The following ENPEP variants were observed in gnomAD, a reference collection of about 807,000 sequenced individuals.
The protein encoded by ENPEP is AP-A.
A neutral mutation model predicts 114.5 loss-of-function variants in ENPEP; 103 were observed. The ratio of observed to expected loss-of-function variants is 0.90; its 90% CI spans 0.77 to 1.06. The LOEUF (loss-of-function observed/expected upper bound fraction) is 1.06, where lower values mean the gene tolerates loss of function less well. ENPEP is among the 50% of genes least tolerant of loss of function. ENPEP has a pLI of 0.00. For synonymous variants in ENPEP, 420 were observed against 422.0 expected, an observed-to-expected ratio of 1.00 and a Z score of 0.06; for missense variants, 1,196 against 1,161.3, an observed-to-expected ratio of 1.03 and a Z score of -0.43.
chr4:110,513,575 A>T, intron 7 of ENPEP, 26 bp downstream of exon 7: 1 of 1,610,182 alleles, frequency 6.2e-7, no homozygotes, highest in South Asian at 1.1e-5. Flanking sequence ...CATTGTTTTG[A>T]ACATCTTCCT....
At chr4:110,515,655 A>C in intron 8 of ENPEP, 1 of 612,054 alleles carries the variant, frequency 1.6e-6, no homozygotes, top group Non-Finnish European at 3.0e-6. Context: ...CTCATGGAGA[A>C]GTTGAAACAG....
At chr4:110,524,617 A>G (rs1162696321) in intron 10 of ENPEP, among the ~76,000 whole-genome samples, 2 of 152,220 alleles carry the variant, frequency 1.3e-5, no homozygotes, top group Non-Finnish European at 2.9e-5. Context: ...AATTTCTTGC[A>G]CATTTTCATT....
chr4:110,481,129 G>T (rs1292085202), intron 1 of ENPEP, among the ~76,000 whole-genome samples: 1 of 152,180 alleles, frequency 6.6e-6, no homozygotes, highest in African/African-American at 2.4e-5. Context: ...GTTGCATGGG[G>T]ATCTTAGTAG....
At chr4:110,544,130 G>C (rs1726959193) in intron 13 of ENPEP, among the ~76,000 whole-genome samples, 1 of 151,902 alleles carries the variant, frequency 6.6e-6, no homozygotes, top group African/African-American at 2.4e-5. Context: ...AGGAATTATG[G>C]GGTTCGAAAA....
chr4:110,483,625 AT>A (rs1430099477), intron 1 of ENPEP, among the ~76,000 whole-genome samples: 2 of 152,144 alleles, frequency 1.3e-5, no homozygotes, highest in Non-Finnish European at 2.9e-5. Context: ...ATAGACTATC[AT>A]TTTATTGTGC....
chr4:110,523,517 C>G (rs547941295), intron 10 of ENPEP, among the ~76,000 whole-genome samples: 2 of 152,254 alleles, frequency 1.3e-5, no homozygotes, highest in African/African-American at 4.8e-5. Flanking sequence ...TTAAGTGGCT[C>G]AGGGGCCATG....
In ENPEP at chr4:110,548,212, G is replaced by C. The variant is rs1727151775; in HGVS notation, c.2037G>C (p.Leu679Phe). The C allele has an allele frequency of 6.6e-6, 9 of 1,371,952 alleles. No individual in the cohort carries two copies. In the East Asian group the frequency reaches 2.8e-4, roughly 42 times the overall value. 85.0% of individuals were successfully genotyped at this position (1,371,952 alleles called of 1,614,324 possible). A position where few individuals can be genotyped will look rare whatever the true frequency, so the allele number is the denominator to read the frequency against. Residue 679 changes from leucine to phenylalanine, a missense_variant, in exon 14 of 20, where the codon TTG (leucine) becomes TTC (phenylalanine). Physicochemically the swap from Leu to Phe is conservative, Grantham distance 22 (BLOSUM62 0). Transcript: ENST00000265162. ...TAGATTATAAGGTGGCTTTGAACTT[G>C]ACCAAGTATCTCAAAAGGGAAGAGA... is the stretch of plus-strand genomic sequence containing the variant. ...QLLDYKVALN[L>F]TKYLKREENF... is the part of the protein sequence containing the mutation.
intron 2 of ENPEP, among the ~76,000 whole-genome samples, chr4:110,490,312 C>T (rs951056155): frequency 1.1e-4 from 17 of 152,160 alleles, no homozygotes; most frequent in Admixed American, 1.0e-3. Flanking sequence ...AAGTGTCAGC[C>T]GCACCCATTC....
At chr4:110,525,268 T>C (rs948119224) in intron 10 of ENPEP, among the ~76,000 whole-genome samples, 2 of 152,184 alleles carry the variant, frequency 1.3e-5, no homozygotes, top group African/African-American at 2.4e-5. Flanking sequence ...TCTCAGGAAC[T>C]CCAGTCCCGG....
chr4:110,560,807 T>C (rs945219733), intron 19 of ENPEP, among the ~76,000 whole-genome samples: 7 of 152,120 alleles, frequency 4.6e-5, no homozygotes, highest in African/African-American at 9.7e-5. Context: ...CAGGTAGAGA[T>C]TGTATGAAGT....
In ENPEP at chr4:110,515,372, T is replaced by C; in HGVS notation, c.1444-5T>C. On this transcript the variant is annotated splice_polypyrimidine_tract_variant and splice_region_variant and intron_variant, in intron 7 of 19. Coordinates refer to ENST00000265162, the MANE Select transcript of ENPEP (RefSeq NM_001977.4). The stretch of plus-strand genomic sequence containing the variant: ...GTTTCATTTGTCTTTTTATCCCCAT[T>C]GTAGGGATCTTCTATTTTGAGAATG... 6.2e-7 allele frequency: 1 copy of C among 1,606,176 alleles called. No homozygotes were observed. Among genetic ancestry groups the C allele is most frequent in the Non-Finnish European group, 8.5e-7 (1 of 1,177,246 alleles).
rs746945239 is a variant in ENPEP, at chr4:110,549,838, A to C, written c.2453A>C (p.Lys818Thr). Reference protein sequence around the residue: ...QKTSLAQEKEKLLYGLASVKN... With the variant: ...QKTSLAQEKETLLYGLASVKN... ...ACTTCATTAGCTCAAGAAAAAGAAA[A>C]ACTGCTGTATGGATTAGCATCAGTG... The change falls in exon 17 of 20, where the codon AAA becomes ACA. Residue 818 changes from lysine (K) to threonine (T), a missense_variant. Physicochemically the swap from Lys to Thr is moderately conservative, Grantham distance 78. Coordinates refer to ENST00000265162, the MANE Select transcript of ENPEP (RefSeq NM_001977.4). The C allele has an allele frequency of 6.2e-7, 1 of 1,613,122 alleles. No homozygotes were observed. The highest frequency in any genetic ancestry group is 2.2e-5 in the East Asian group (1 of 44,828).
chr4:110,518,729 C>T (rs148422508), intron 8 of ENPEP, among the ~76,000 whole-genome samples: 178 of 152,250 alleles, frequency 1.2e-3, no homozygotes, highest in African/African-American at 4.2e-3. Flanking sequence ...TGAAGGCACC[C>T]AGGTAGTTAG....
chr4:110,528,905 G>A (rs1032044084), intron 10 of ENPEP, among the ~76,000 whole-genome samples: 26 of 152,110 alleles, frequency 1.7e-4, no homozygotes, highest in African/African-American at 4.8e-4. Context: ...AAACTCAATC[G>A]TTTCATTTAT....
Position 110,476,297 on chromosome 4 carries a change from A to C in ENPEP, c.-118A>C. The C allele has an allele frequency of 7.5e-7, 1 of 1,332,398 alleles. No individual in the cohort carries two copies. Among genetic ancestry groups the C allele is most frequent in the East Asian group, 2.4e-5 (1 of 42,552 alleles). The allele number at this position is 1,332,398 out of a possible 1,614,324, so 82.5% of individuals were successfully genotyped here. On this transcript the variant is annotated 5_prime_UTR_variant, in exon 1 of 20. Transcript: ENST00000265162. ...GAAGCCAGAGAGAGGGGTGTGGGAA[A>C]AGCGAAAACAGGCTGCCAAATCAGG...
rs531095635 is a variant in ENPEP at position 110,541,482 on chromosome 4, A to T, written c.1808-1269A>T. On this transcript the variant is annotated intron_variant, in intron 11 of 19. Coordinates refer to ENST00000265162, the MANE Select transcript of ENPEP (RefSeq NM_001977.4). ...AATGCATCAACTTCTTTCTAGTTTC[A>T]TCATCTCCACATTAGTGTAAGCCCT... 2.1e-3 allele frequency among the ~76,000 whole-genome samples: 312 copies of T among 152,188 alleles called. 1 individual carries two copies. Among genetic ancestry groups the T allele is most frequent in the Non-Finnish European group, 3.4e-3 (229 of 68,000 alleles).
chr4:110,553,596 T>TC (rs1727371576), intron 18 of ENPEP, 141 bp downstream of exon 18: 1 of 797,776 alleles, frequency 1.3e-6, no homozygotes, highest in African/African-American at 1.8e-5. Flanking sequence ...CATGGTATTA[T>TC]CCTTCCAGGG....
At chr4:110,525,143 A>G (rs1726146028) in intron 10 of ENPEP, among the ~76,000 whole-genome samples, 3 of 152,250 alleles carry the variant, frequency 2.0e-5, no homozygotes, top group African/African-American at 7.2e-5. Context: ...ACCTGCATGA[A>G]TACAACTTGC....
rs1370165574 is a variant in ENPEP at position 110,477,069 on chromosome 4, A to T, written c.644+11A>T. The stretch of plus-strand genomic sequence containing the variant: ...GAACGGACAAGTCAAGTAAATATTA[A>T]TTTTTGCTTTACCTCCCTTAAGCTC... On this transcript the variant is annotated intron_variant, in intron 1 of 19. Coordinates refer to ENST00000265162, the MANE Select transcript of ENPEP (RefSeq NM_001977.4). 2 of 1,605,710 alleles carry T rather than the reference A, an allele frequency of 1.2e-6. No homozygotes were observed. The highest frequency in any genetic ancestry group is 1.1e-5 in the South Asian group (1 of 90,764).
Sources: allele counts gnomAD v4.1 joint callset (sites outside exome capture counted in the v4.1 genomes callset), GRCh38; gene constraint gnomAD v4.1.1; transcripts MANE v1.5; gene names NCBI Gene and HGNC (gene_info 2026-07-23, HGNC 2026-07-21).